Variants in ADGRD1 observed in about 807,000 individuals in gnomAD.
ADGRD1 encodes the protein adhesion G protein-coupled receptor D1.
Under a neutral mutation model 113.4 loss-of-function variants are expected in ADGRD1, and 77 were observed. The observed-to-expected ratio is 0.68, with a 90% CI of 0.57 to 0.82. ADGRD1 has a LOEUF of 0.82. Among genes scored for constraint, ADGRD1 ranks in the 40% least tolerant of loss-of-function variants. The pLI, the probability that ADGRD1 is intolerant of heterozygous loss-of-function variation, is 0.00. For missense variants in ADGRD1, 1,036 were observed against 1,139.1 expected (o/e 0.91, Z 1.30); for synonymous variants, 474 against 475.0 (o/e 1.00, Z 0.03).
rs544896590 is a variant in ADGRD1, at chr12:131,084,029, A to G, written c.1548-511A>G. On this transcript the variant is annotated intron_variant, in intron 14 of 24. Coordinates refer to ENST00000261654, the MANE Select transcript of ADGRD1 (RefSeq NM_198827.5). This position sits in a 1 kb window ranked among gnomAD's most constrained non-coding sequence, Gnocchi z 4.5. ...TGGTATTTTATCCTTATCAGTGCAC[A>G]TTGGTCAAGGATGTTCTTTTTAACC... Among the ~76,000 whole-genome samples the G allele has an allele frequency of 1.0e-3, 155 of 152,256 alleles. No individual in the cohort carries two copies. Among genetic ancestry groups the G allele is most frequent in the African/African-American group, 2.9e-3 (120 of 41,544 alleles).
chr12:131,114,892 T>C (rs1299148608), intron 18 of ADGRD1, among the ~76,000 whole-genome samples: 3 of 152,186 alleles, frequency 2.0e-5, no homozygotes, highest in Admixed American at 6.5e-5. Flanking sequence ...TACACATCAC[T>C]GAAGCAGACA....
intron 13 of ADGRD1, among the ~76,000 whole-genome samples, chr12:131,044,330 C>T (rs1464391911): frequency 1.3e-5 from 2 of 152,164 alleles, no homozygotes; most frequent in African/African-American, 4.8e-5. Context: ...GCTGTGTCTG[C>T]AGAGCTGGGT....
At chr12:131,051,153 G>A (rs1215795588) in intron 13 of ADGRD1, among the ~76,000 whole-genome samples, 1 of 152,240 alleles carries the variant, frequency 6.6e-6, no homozygotes, top group Non-Finnish European at 1.5e-5. Context: ...CCTCAGACGG[G>A]CACTGTCCTG....
chr12:131,086,282 G>A (rs935057093), intron 15 of ADGRD1, among the ~76,000 whole-genome samples: 1 of 152,184 alleles, frequency 6.6e-6, no homozygotes, highest in African/African-American at 2.4e-5. Flanking sequence ...CCAGGAGACA[G>A]AACTCTTCAA....
intron 15 of ADGRD1, among the ~76,000 whole-genome samples, chr12:131,095,218 C>T (rs1263204689): frequency 1.3e-5 from 2 of 152,228 alleles, no homozygotes; most frequent in Non-Finnish European, 2.9e-5. Flanking sequence ...CAGTTGCTGC[C>T]GGGACTCAGC....
chr12:131,055,567 T>C (rs184242227), intron 13 of ADGRD1, among the ~76,000 whole-genome samples: 87 of 152,336 alleles, frequency 5.7e-4, no homozygotes, highest in African/African-American at 1.9e-3. Context: ...TCCTTTAATA[T>C]GTGGGGGAGA....
intron 13 of ADGRD1, among the ~76,000 whole-genome samples, chr12:131,049,492 C>T (rs1027746884): frequency 2.6e-5 from 4 of 152,236 alleles, no homozygotes; most frequent in Admixed American, 6.5e-5. Context: ...AGAGTGTTGA[C>T]TATGTCACTT....
intron 14 of ADGRD1, among the ~76,000 whole-genome samples, chr12:131,081,667 C>T (rs1005226613): frequency 3.9e-5 from 6 of 152,158 alleles, no homozygotes; most frequent in African/African-American, 9.7e-5. Context: ...TTTTTTCCCC[C>T]GGATAATGAG....
rs1334294084 is a variant in ADGRD1, at chr12:131,060,055, A to G, written c.1474-16746A>G. On this transcript the variant is annotated intron_variant, in intron 13 of 24. Coordinates refer to ENST00000261654, the MANE Select transcript of ADGRD1 (RefSeq NM_198827.5). The surrounding 1 kb of genome is among the most constrained non-coding windows in gnomAD (Gnocchi z 4.4). ...ACCACTGGGAAGGGCCATGTGCCGCAGTACTGCGGCGTGGGGGTGAAAGTC... is the reference window on the plus strand; with the variant it reads ...ACCACTGGGAAGGGCCATGTGCCGCGGTACTGCGGCGTGGGGGTGAAAGTC... Among the ~76,000 whole-genome samples, 1 of 152,240 alleles carries G rather than the reference A, an allele frequency of 6.6e-6. No homozygotes were observed. The highest frequency in any genetic ancestry group is 2.4e-5 in the African/African-American group (1 of 41,456).
In ADGRD1 at chr12:131,075,261, A is replaced by AT. The variant is rs1322448180; in HGVS notation, c.1474-1538dup. On this transcript the variant is annotated intron_variant, in intron 13 of 24. Transcript: ENST00000261654. This position sits in a 1 kb window ranked among gnomAD's most constrained non-coding sequence, Gnocchi z 5.3. Reference sequence around the variant, plus strand: ...TGTAGCCTGGGCCCAAGGAAGCCTCATTACACCCCTCCGAGAACCAGGCTG... The same window carrying AT: ...TGTAGCCTGGGCCCAAGGAAGCCTCATTTACACCCCTCCGAGAACCAGGCTG... 6.6e-6 allele frequency among the ~76,000 whole-genome samples: 1 copy of AT among 152,104 alleles called. No individual in the cohort carries two copies. The highest frequency in any genetic ancestry group is 6.5e-5 in the Admixed American group (1 of 15,274).
intron 23 of ADGRD1, chr12:131,137,723 C>A: frequency 3.7e-6 from 1 of 270,966 alleles, no homozygotes; most frequent in Non-Finnish European, 7.3e-6. Context: ...ATCACAAAGC[C>A]CAGTGACCCC....
chr12:130,964,127 T>C (rs574832234), intron 2 of ADGRD1, among the ~76,000 whole-genome samples: 112 of 152,230 alleles, frequency 7.4e-4, no homozygotes, highest in African/African-American at 2.6e-3. Flanking sequence ...TTTTTAATAG[T>C]AGGAGTTGTA....
At chr12:131,082,952 G>T (rs1045094546) in intron 14 of ADGRD1, among the ~76,000 whole-genome samples, 2 of 152,182 alleles carry the variant, frequency 1.3e-5, no homozygotes, top group African/African-American at 4.8e-5. Context: ...CGGAAAGACC[G>T]TCCCAACCCC....
At chr12:131,052,143 G>C (rs889900136) in intron 13 of ADGRD1, among the ~76,000 whole-genome samples, 1 of 152,190 alleles carries the variant, frequency 6.6e-6, no homozygotes, top group African/African-American at 2.4e-5. Flanking sequence ...TGGAGAGAAG[G>C]GCTTGCAGGA....
intron 15 of ADGRD1, among the ~76,000 whole-genome samples, chr12:131,095,792 C>T (rs1887237340): frequency 6.6e-6 from 1 of 152,138 alleles, no homozygotes; most frequent in South Asian, 2.1e-4. Flanking sequence ...GGATGTGGGC[C>T]GTCTTTGAGA....
intron 15 of ADGRD1, among the ~76,000 whole-genome samples, chr12:131,091,465 CTG>C (rs1356811483): frequency 6.6e-6 from 1 of 152,180 alleles, no homozygotes; most frequent in Non-Finnish European, 1.5e-5. Context: ...CGCGGTGTAA[CTG>C]TGAAAGAATG....
intron 15 of ADGRD1, among the ~76,000 whole-genome samples, chr12:131,089,620 G>C (rs1361311785): frequency 1.3e-5 from 2 of 152,088 alleles, no homozygotes; most frequent in Non-Finnish European, 2.9e-5. Context: ...TACCTGATGG[G>C]TGCTCCCGGC....
intron 20 of ADGRD1, 113 bp downstream of exon 20, chr12:131,121,026 C>T (rs1950580249): frequency 3.3e-6 from 3 of 905,824 alleles, no homozygotes; most frequent in Non-Finnish European, 5.1e-6. Context: ...AAGGATGCAG[C>T]GTCGTTCCTC....
intron 21 of ADGRD1, among the ~76,000 whole-genome samples, chr12:131,133,628 G>A (rs1230180264): frequency 2.0e-5 from 3 of 152,174 alleles, no homozygotes; most frequent in South Asian, 4.1e-4. Flanking sequence ...GGGACAGACC[G>A]CTCTGGGTCC....
Sources: allele counts gnomAD v4.1 joint callset (sites outside exome capture counted in the v4.1 genomes callset), GRCh38; gene constraint gnomAD v4.1.1; non-coding constraint Gnocchi (gnomAD v3.1); transcripts MANE v1.5; gene names NCBI Gene and HGNC (gene_info 2026-07-23, HGNC 2026-07-21).